The following CREB5 variants were observed in gnomAD, a reference collection of about 807,000 sequenced individuals.
CREB5 encodes cAMP responsive element binding protein 5.
A neutral mutation model predicts 57.1 loss-of-function variants in CREB5; 19 were observed. That is an observed-to-expected ratio of 0.33 (90% CI 0.23 to 0.49). The LOEUF is 0.49. Ranked by LOEUF, CREB5 falls within the 20% of genes least tolerant of loss-of-function variation. CREB5 has a pLI of 0.99. For missense variants in CREB5, 579 were observed against 671.6 expected (o/e 0.86, Z 1.52); for synonymous variants, 238 against 238.3 (o/e 1.00, Z 0.01).
At chr7:28,505,196 ACACACACGCACACACACACACATG>A (rs1792430655) in intron 3 of CREB5, among the ~76,000 whole-genome samples, 1 of 118,444 alleles carries the variant, frequency 8.4e-6, no homozygotes, top group African/African-American at 2.6e-5. Context: ...ATGCACGTGC[ACACACACGCACACACACACACATG>A]CACACACGCA....
chr7:28,801,051 C>G (rs1258811569), intron 7 of CREB5, among the ~76,000 whole-genome samples: 1 of 152,120 alleles, frequency 6.6e-6, no homozygotes, highest in Admixed American at 6.5e-5. Context: ...ATAGCATGTA[C>G]TTAGTTAATG....
At chr7:28,590,671 GTATAATAA>G (rs978101711) in intron 5 of CREB5, among the ~76,000 whole-genome samples, 11 of 96,012 alleles carry the variant, frequency 1.1e-4, no homozygotes, top group African/African-American at 6.5e-4. Context: ...GGAACTTAAA[GTATAATAA>G]TAATAATAAT....
chr7:28,649,207 G>A (rs887245241), intron 5 of CREB5, among the ~76,000 whole-genome samples: 1 of 152,248 alleles, frequency 6.6e-6, no homozygotes, highest in Non-Finnish European at 1.5e-5. Flanking sequence ...CCACCAAAAC[G>A]CCTTCAACCT....
intron 9 of CREB5, among the ~76,000 whole-genome samples, chr7:28,816,674 C>A: frequency 6.6e-6 from 1 of 152,148 alleles, no homozygotes; most frequent in East Asian, 1.9e-4. Context: ...AAACAGATTT[C>A]AATTTTTTTT....
intron 5 of CREB5, among the ~76,000 whole-genome samples, chr7:28,596,613 G>A (rs967888459): frequency 4.6e-5 from 7 of 152,284 alleles, no homozygotes; most frequent in Admixed American, 1.3e-4. Flanking sequence ...AGTTAAAAGC[G>A]TGAACCTGTA....
At chr7:28,703,742 A>G (rs1451193534) in intron 5 of CREB5, among the ~76,000 whole-genome samples, 4 of 152,206 alleles carry the variant, frequency 2.6e-5, no homozygotes, top group Non-Finnish European at 5.9e-5. Flanking sequence ...AATGGATTAG[A>G]TGAAGCCCAC....
At position 28,618,944 on chromosome 7, in the gene CREB5, A is replaced by T. The variant is rs1391025774; in HGVS notation, c.464+48407A>T. On this transcript the variant is annotated intron_variant, in intron 5 of 10. Transcript: ENST00000357727. ...ACATGCTCAGAGAATTTTATGATTT[A>T]TAAAGAACTTTCCAAAACAGAATAT... 3.9e-5 allele frequency among the ~76,000 whole-genome samples: 6 copies of T among 152,362 alleles called. No individual in the cohort carries two copies. The South Asian group carries it at 1.2e-3, about 32-fold the overall frequency.
intron 5 of CREB5, among the ~76,000 whole-genome samples, chr7:28,690,669 C>T (rs1035543527): frequency 2.6e-5 from 4 of 151,988 alleles, no homozygotes; most frequent in South Asian, 2.1e-4. Flanking sequence ...GTTTTAAGGC[C>T]CCTGGCACAT....
intron 1 of CREB5, among the ~76,000 whole-genome samples, chr7:28,379,222 G>A (rs188317262): frequency 1.3e-3 from 205 of 152,318 alleles, no homozygotes; most frequent in Admixed American, 2.9e-3. Flanking sequence ...TGGTGATGCT[G>A]AGTAATGATG....
chr7:28,783,768 T>G (rs1562638232), intron 7 of CREB5, among the ~76,000 whole-genome samples: 1 of 152,102 alleles, frequency 6.6e-6, no homozygotes, highest in Non-Finnish European at 1.5e-5. Context: ...ATCCACTGCA[T>G]GGGAATTAAC....
chr7:28,386,933 T>G (rs1236373954), intron 1 of CREB5, among the ~76,000 whole-genome samples: 2 of 152,244 alleles, frequency 1.3e-5, no homozygotes, highest in Non-Finnish European at 2.9e-5. Context: ...CTGCATAGTA[T>G]TCCATGGTGT....
intron 5 of CREB5, among the ~76,000 whole-genome samples, chr7:28,691,420 CAAAAAAA>C (rs60338671): frequency 1.9e-4 from 18 of 92,572 alleles, no homozygotes; most frequent in Non-Finnish European, 3.2e-4. Context: ...ACTCTGTCTC[CAAAAAAA>C]AAAAAAAAAA....
intron 1 of CREB5, among the ~76,000 whole-genome samples, chr7:28,299,935 T>C (rs1320256110): frequency 6.6e-6 from 1 of 152,182 alleles, no homozygotes; most frequent in Non-Finnish European, 1.5e-5. Flanking sequence ...ACCACTAAGA[T>C]TTTGATAATT....
chr7:28,560,835 T>TGCGTGCGC (rs1450019513), intron 4 of CREB5, among the ~76,000 whole-genome samples: 4 of 59,744 alleles, frequency 6.7e-5, no homozygotes, highest in African/African-American at 9.5e-5. Flanking sequence ...CGCGCGCGCG[T>TGCGTGCGC]GTGTGTGTGC....
intron 1 of CREB5, among the ~76,000 whole-genome samples, chr7:28,453,574 G>A (rs980537104): frequency 2.6e-5 from 4 of 152,234 alleles, no homozygotes; most frequent in Non-Finnish European, 2.9e-5. Context: ...GTGAGTGCAA[G>A]GCACGTGCCT....
Position 28,819,176 on chromosome 7 carries a change from A to C in CREB5, c.1424A>C (p.Gln475Pro). Residue 475 changes from glutamine to proline, a missense_variant, in exon 11 of 11, where the codon CAG becomes CCG. Coordinates refer to ENST00000357727, the MANE Select transcript of CREB5 (RefSeq NM_182898.4). Reference sequence around the variant, plus strand: ...GCTTGCTCCCAGCAACAAGTCATCCAGCATAATACCATCACTACTTCCTCA... The same window carrying C: ...GCTTGCTCCCAGCAACAAGTCATCCCGCATAATACCATCACTACTTCCTCA... ...VPACSQQQVIQHNTITTSSSV... is the reference protein window; with the variant it reads ...VPACSQQQVIPHNTITTSSSV... 1 of 1,613,774 alleles carries C rather than the reference A, an allele frequency of 6.2e-7. No homozygotes were observed. Among genetic ancestry groups the C allele is most frequent in the Non-Finnish European group, 8.5e-7 (1 of 1,179,818 alleles).
chr7:28,330,552 G>C (rs1785697163), intron 1 of CREB5, among the ~76,000 whole-genome samples: 1 of 151,154 alleles, frequency 6.6e-6, no homozygotes, highest in African/African-American at 2.4e-5. Context: ...TCTAAGTTTT[G>C]CATTCTTTGA....
chr7:28,546,670 C>A (rs1583607194), intron 4 of CREB5, among the ~76,000 whole-genome samples: 1 of 152,168 alleles, frequency 6.6e-6, no homozygotes, highest in East Asian at 1.9e-4. Flanking sequence ...CCAGGGTTAT[C>A]CCACCTCATC....
chr7:28,458,392 A>C (rs1308357939), intron 1 of CREB5, among the ~76,000 whole-genome samples: 1 of 152,248 alleles, frequency 6.6e-6, no homozygotes, highest in Admixed American at 6.5e-5. Flanking sequence ...GCAAATGTGC[A>C]TGACATGGGT....
Sources: gnomAD v4.1 joint callset for allele counts (sites outside exome capture counted in the v4.1 genomes callset) on GRCh38, gnomAD v4.1.1 for gene constraint, MANE v1.5 for transcripts, NCBI Gene and HGNC (gene_info 2026-07-23, HGNC 2026-07-21) for gene names.